Variants in TMPRSS15 observed in about 807,000 individuals in gnomAD.
The protein encoded by TMPRSS15 is transmembrane serine protease 15, also known as enteropeptidase.
A neutral mutation model predicts 125.3 loss-of-function variants in TMPRSS15; 128 were observed. That is an observed-to-expected ratio of 1.02 (90% CI 0.89 to 1.18). The LOEUF (loss-of-function observed/expected upper bound fraction) is 1.18. TMPRSS15 is among the 50% of genes most tolerant of loss of function. The pLI, the probability that TMPRSS15 is intolerant of heterozygous loss-of-function variation, is 0.00. For missense variants in TMPRSS15, 1,283 were observed against 1,212.7 expected, an observed-to-expected ratio of 1.06 and a Z score of -0.86; for synonymous variants, 446 against 423.2, an observed-to-expected ratio of 1.05 and a Z score of -0.66.
intron 1 of TMPRSS15, among the ~76,000 whole-genome samples, chr21:18,471,476 GAA>G (rs11355100): frequency 5.4e-5 from 8 of 146,848 alleles, no homozygotes; most frequent in East Asian, 2.0e-4. Flanking sequence ...TTTCAGTTTT[GAA>G]AAAAAAAAAC....
intron 1 of TMPRSS15, among the ~76,000 whole-genome samples, chr21:18,474,683 A>G (rs2123286292): frequency 6.6e-6 from 1 of 152,324 alleles, no homozygotes; most frequent in East Asian, 1.9e-4. Flanking sequence ...AGCTAGTAAG[A>G]GCTAAATAGC....
chr21:18,485,399 C>T (rs939874628), intron 1 of TMPRSS15, among the ~76,000 whole-genome samples: 34 of 151,782 alleles, frequency 2.2e-4, no homozygotes, highest in African/African-American at 7.7e-4. Context: ...TTGATGTCAT[C>T]GGGAAATACT....
intron 1 of TMPRSS15, among the ~76,000 whole-genome samples, chr21:18,472,480 T>TATATATATATATACAC (rs1491127013): frequency 8.9e-6 from 1 of 112,330 alleles, no homozygotes; most frequent in African/African-American, 3.1e-5. Flanking sequence ...TATATATATA[T>TATATATATATATACAC]ACACACACAC....
At chr21:18,425,394 A>C (rs1163783972) in intron 1 of TMPRSS15, among the ~76,000 whole-genome samples, 1 of 152,144 alleles carries the variant, frequency 6.6e-6, no homozygotes, top group Non-Finnish European at 1.5e-5. Context: ...ATCTTGCAGA[A>C]TTTTTAATTG....
At chr21:18,351,566 G>C (rs1015630635) in intron 10 of TMPRSS15, among the ~76,000 whole-genome samples, 1 of 152,160 alleles carries the variant, frequency 6.6e-6, no homozygotes, top group African/African-American at 2.4e-5. Flanking sequence ...CACACTCACT[G>C]TCTCTTGCCT....
chr21:18,352,642 C>A (rs1442871030), intron 10 of TMPRSS15, among the ~76,000 whole-genome samples: 1 of 151,914 alleles, frequency 6.6e-6, no homozygotes, highest in Admixed American at 6.6e-5. Flanking sequence ...GGATGACAAC[C>A]TAGTCTTGTC....
At chr21:18,277,880 G>A (rs565841592) in intron 23 of TMPRSS15, among the ~76,000 whole-genome samples, 1 of 152,206 alleles carries the variant, frequency 6.6e-6, no homozygotes, top group Admixed American at 6.5e-5. Context: ...CCCAGCTAGG[G>A]CACTCCTATT....
chr21:18,475,329 C>A (rs1978859622), intron 1 of TMPRSS15, among the ~76,000 whole-genome samples: 1 of 152,122 alleles, frequency 6.6e-6, no homozygotes, highest in Non-Finnish European at 1.5e-5. Flanking sequence ...ACAAGTCAGG[C>A]AACAGTGGCT....
chr21:18,454,867 G>T (rs1355635667), intron 1 of TMPRSS15, among the ~76,000 whole-genome samples: 5 of 152,186 alleles, frequency 3.3e-5, no homozygotes, highest in East Asian at 1.9e-4. Flanking sequence ...TATTGTATTA[G>T]CTATCTGGTG....
intron 19 of TMPRSS15, among the ~76,000 whole-genome samples, chr21:18,296,752 G>A (rs1235583614): frequency 6.6e-6 from 1 of 152,158 alleles, no homozygotes; most frequent in African/African-American, 2.4e-5. Context: ...AAATCTAGAA[G>A]CCTGCTTTCT....
chr21:18,403,397 A>G, intron 1 of TMPRSS15, 81 bp downstream of exon 1: 1 of 1,587,716 alleles, frequency 6.3e-7, no homozygotes. Context: ...CAATGAATAA[A>G]ATAGACTTAC....
At chr21:18,281,746 T>C (rs1417928895) in intron 21 of TMPRSS15, among the ~76,000 whole-genome samples, 1 of 152,136 alleles carries the variant, frequency 6.6e-6, no homozygotes, top group Non-Finnish European at 1.5e-5. Flanking sequence ...AACTGTAGTA[T>C]AATGGAAGGA....
Position 18,398,204 on chromosome 21 carries a change from G to A in TMPRSS15, c.271C>T (p.Gln91Ter). ...ACCAGCTGTCAGTCTCCTACCATTT[G>A]CTGAAGGTCAAAAGCAAGAACTTTG... ...DFKVLAFDLQ[Q>*]MIDEIFLSSN... The change falls in exon 2 of 25, where the codon CAA (glutamine) becomes TAA (stop). Residue 91 changes from glutamine (Q) to a stop codon, truncating the protein, a stop_gained. Transcript: ENST00000284885. LOFTEE classifies it high-confidence loss of function. 1 of 1,613,806 alleles carries A rather than the reference G, an allele frequency of 6.2e-7. No individual in the cohort carries two copies.
chr21:18,345,756 A>AAAAAAAAAAAAAAAAAAC (rs2075501603), intron 10 of TMPRSS15, among the ~76,000 whole-genome samples: 1 of 144,016 alleles, frequency 6.9e-6, no homozygotes, highest in African/African-American at 2.5e-5. Context: ...AAAAAAAAAA[A>AAAAAAAAAAAAAAAAAAC]AAAAAATCCA....
At chr21:18,398,563 TC>T (rs781448318) in intron 1 of TMPRSS15, among the ~76,000 whole-genome samples, 30 of 152,140 alleles carry the variant, frequency 2.0e-4, no homozygotes, top group Non-Finnish European at 3.4e-4. Context: ...ACATTTTTTT[TC>T]TTTTCTTTGA....
At position 18,463,246 on chromosome 21, in the gene TMPRSS15, C is replaced by CAAAAAAA; in HGVS notation, c.10+22546_10+22552dup. 2.2e-3 allele frequency among the ~76,000 whole-genome samples: 25 copies of CAAAAAAA among 11,520 alleles called. 9 individuals are homozygous for CAAAAAAA. Among genetic ancestry groups the CAAAAAAA allele is most frequent in the Admixed American group, 5.1e-3 (2 of 390 alleles). 7.6% of individuals were successfully genotyped at this position (11,520 alleles called of 152,430 possible). A position where few individuals can be genotyped will look rare whatever the true frequency, so the allele number is the denominator to read the frequency against. ...GAATATTTACCAAGCAAATGGAAAG[C>CAAAAAAA]AAAAAAAAAAAAAAAAAAAAAAAAA... On this transcript the variant is annotated intron_variant, in intron 1 of 7. Coordinates refer to the TMPRSS15 transcript ENST00000422787.
In TMPRSS15 at chr21:18,304,302, G is replaced by T. The variant is rs1214096737; in HGVS notation, c.2166-6473C>A. On this transcript the variant is annotated intron_variant, in intron 18 of 24. Coordinates refer to ENST00000284885, the MANE Select transcript of TMPRSS15 (RefSeq NM_002772.3). The stretch of plus-strand genomic sequence containing the variant: ...ATCTTTATTTTGTTTTTATTACCAG[G>T]TGAAATCAAACTGTCAAAGTTTGGG... 3.9e-5 allele frequency among the ~76,000 whole-genome samples: 6 copies of T among 152,166 alleles called. No individual in the cohort carries two copies. In the East Asian group the frequency reaches 1.2e-3, roughly 29 times the overall value.
At chr21:18,386,234 T>C (rs931452915) in intron 3 of TMPRSS15, among the ~76,000 whole-genome samples, 4 of 152,160 alleles carry the variant, frequency 2.6e-5, no homozygotes, top group Non-Finnish European at 4.4e-5. Flanking sequence ...CTTAGAGTAA[T>C]GTAGGTAACT....
chr21:18,404,587 T>G (rs1469832136), upstream of TMPRSS15, among the ~76,000 whole-genome samples: 1 of 152,164 alleles, frequency 6.6e-6, no homozygotes, highest in Non-Finnish European at 1.5e-5. Flanking sequence ...TGAATAATGA[T>G]GAGTTCAGGA....
Sources: allele counts gnomAD v4.1 joint callset (sites outside exome capture counted in the v4.1 genomes callset), GRCh38; gene constraint gnomAD v4.1.1; transcripts MANE v1.5; gene names NCBI Gene and HGNC (gene_info 2026-07-23, HGNC 2026-07-21).